The following ATP10B variants were observed in gnomAD, a reference collection of about 807,000 sequenced individuals.
ATP10B encodes the protein phospholipid-transporting ATPase VB.
Under a neutral mutation model 141.2 loss-of-function variants are expected in ATP10B, and 122 were observed. The observed-to-expected ratio is 0.86, with a 90% confidence interval of 0.75 to 1.00. ATP10B has a LOEUF of 1.00. Ranked by LOEUF, ATP10B falls within the 50% of genes least tolerant of loss-of-function variation. The pLI is 0.00. For synonymous variants in ATP10B, 685 were observed against 692.0 expected, an observed-to-expected ratio of 0.99 and a Z score of 0.16; for missense variants, 1,876 against 1,825.3, an observed-to-expected ratio of 1.03 and a Z score of -0.51.
chr5:160,864,310 G>C, the ATP10B span, among the ~76,000 whole-genome samples: 1 of 151,906 alleles, frequency 6.6e-6, no homozygotes, highest in Admixed American at 6.6e-5. Context: ...ATTACATAAA[G>C]AGAATCGAAA....
At position 160,569,524 on chromosome 5, in the gene ATP10B, G is replaced by A; in HGVS notation, c.3910C>T (p.Leu1304Phe). ...SNPTFYLVCF[L>F]TPVVALLPRY... Reference sequence around the variant, plus strand: ...GGGAGAAGAGCAACAACTGGTGTGAGAAAGCAGACGAGGTAGAAAGTGGGG... The same window carrying A: ...GGGAGAAGAGCAACAACTGGTGTGAAAAAGCAGACGAGGTAGAAAGTGGGG... Residue 1304 changes from leucine to phenylalanine, a missense_variant, in exon 25 of 26, where the codon CTC becomes TTC. Physicochemically the swap from Leu to Phe is conservative, Grantham distance 22. Coordinates refer to ENST00000327245, the MANE Select transcript of ATP10B (RefSeq NM_025153.3). 5 of 1,613,922 alleles carry A rather than the reference G, an allele frequency of 3.1e-6. No homozygotes were observed. The highest frequency in any genetic ancestry group is 4.2e-6 in the Non-Finnish European group (5 of 1,179,874).
intron 7 of ATP10B, among the ~76,000 whole-genome samples, chr5:160,657,121 C>A (rs995076174): frequency 2.6e-5 from 4 of 152,028 alleles, no homozygotes; most frequent in African/African-American, 9.7e-5. Flanking sequence ...CCATGCCAAC[C>A]AAGGAAGCTA....
At chr5:160,746,638 C>T (rs570905483) in intron 2 of ATP10B, among the ~76,000 whole-genome samples, 7 of 152,154 alleles carry the variant, frequency 4.6e-5, no homozygotes, top group East Asian at 1.9e-4. Context: ...ATGATCCACC[C>T]GCCTCAGCCT....
intron 7 of ATP10B, among the ~76,000 whole-genome samples, chr5:160,659,617 G>T (rs1037134241): frequency 1.3e-5 from 2 of 152,064 alleles, no homozygotes; most frequent in African/African-American, 4.8e-5. Flanking sequence ...AGGGGACATT[G>T]TGTGGGTGTG....
Position 160,649,158 on chromosome 5 carries a change from A to C in ATP10B, c.761+13T>G. ...GAGATATTTACTAGCAGCATGGGAC[A>C]TGAGATACTTACATATAACCCTTAA... On this transcript the variant is annotated intron_variant, in intron 8 of 25. Transcript: ENST00000327245. 1 of 1,583,412 alleles carries C rather than the reference A, an allele frequency of 6.3e-7. No homozygotes were observed. Among genetic ancestry groups the C allele is most frequent in the South Asian group, 1.1e-5 (1 of 90,416 alleles).
At chr5:160,728,938 C>A (rs1766545844) in intron 2 of ATP10B, among the ~76,000 whole-genome samples, 1 of 152,140 alleles carries the variant, frequency 6.6e-6, no homozygotes, top group Admixed American at 6.5e-5. Context: ...GAAAATCAAG[C>A]AAGGCCTGGG....
the ATP10B span, among the ~76,000 whole-genome samples, chr5:160,864,556 A>G: frequency 6.6e-6 from 1 of 151,946 alleles, no homozygotes; most frequent in Non-Finnish European, 1.5e-5. Context: ...TCGACATAGT[A>G]CTAGAAGTTC....
At chr5:160,698,800 G>C (rs1391751308) in intron 3 of ATP10B, among the ~76,000 whole-genome samples, 8 of 152,208 alleles carry the variant, frequency 5.3e-5, no homozygotes, top group African/African-American at 1.9e-4. Context: ...ACAGTTGACT[G>C]AGAAGGACAA....
intron 3 of ATP10B, among the ~76,000 whole-genome samples, chr5:160,695,690 C>G (rs950398566): frequency 6.6e-6 from 1 of 152,084 alleles, no homozygotes. Flanking sequence ...ATACCCAATT[C>G]TCTAAAAAGC....
At chr5:160,741,837 T>C (rs1029670449) in intron 2 of ATP10B, among the ~76,000 whole-genome samples, 8 of 152,212 alleles carry the variant, frequency 5.3e-5, no homozygotes, top group African/African-American at 1.9e-4. Flanking sequence ...TCTTTTCATA[T>C]ACTGTTCTGC....
the ATP10B span, among the ~76,000 whole-genome samples, chr5:160,926,034 G>GCT: frequency 6.6e-6 from 1 of 152,344 alleles, no homozygotes; most frequent in African/African-American, 2.4e-5. Context: ...GAGAGCACGT[G>GCT]CTCTGAATCA....
At chr5:160,750,406 G>A (rs1352052600) in intron 2 of ATP10B, among the ~76,000 whole-genome samples, 2 of 152,124 alleles carry the variant, frequency 1.3e-5, no homozygotes, top group Non-Finnish European at 2.9e-5. Flanking sequence ...TTAGTGAGTG[G>A]CACTATTGTT....
At chr5:160,760,919 G>T (rs968231153) in intron 2 of ATP10B, among the ~76,000 whole-genome samples, 15 of 152,034 alleles carry the variant, frequency 9.9e-5, no homozygotes, top group Non-Finnish European at 1.0e-4. Context: ...GAAACTGATG[G>T]TTTTTCTCTA....
chr5:160,726,998 A>C (rs1437554317), intron 2 of ATP10B, among the ~76,000 whole-genome samples: 1 of 152,108 alleles, frequency 6.6e-6, no homozygotes, highest in East Asian at 1.9e-4. Flanking sequence ...GAACTAAGGT[A>C]CTTCTTACAT....
chr5:160,573,309 T>G (rs1056386882), intron 24 of ATP10B, among the ~76,000 whole-genome samples: 1 of 152,244 alleles, frequency 6.6e-6, no homozygotes, highest in African/African-American at 2.4e-5. Flanking sequence ...GCTGCTGCAC[T>G]GATCTTGGGC....
chr5:160,606,793 G>T lies in ATP10B; in HGVS notation c.3132C>A (p.Asp1044Glu). 3 of 1,613,986 alleles carry T rather than the reference G, an allele frequency of 1.9e-6. No individual in the cohort carries two copies. The highest frequency in any genetic ancestry group is 3.3e-4 in the Middle Eastern group (2 of 6,056). The change falls in exon 19 of 26, where the codon GAC becomes GAA. Residue 1044 changes from aspartate to glutamate, a missense_variant. Transcript: ENST00000327245. ...QKSMIVKLVR[D>E]KLRVMTLSIG... Reference sequence around the variant, plus strand: ...TGGAAAGGGTCATGACGCGCAACTTGTCTCGCACCAGCTTGACTATCATAC... The same window carrying T: ...TGGAAAGGGTCATGACGCGCAACTTTTCTCGCACCAGCTTGACTATCATAC...
Position 160,615,982 on chromosome 5 carries a change from G to T in ATP10B, c.2527-18C>A, listed in dbSNP as rs145223150. The T allele has an allele frequency of 0.02, 32,265 of 1,605,912 alleles. 368 individuals carry two copies. Among genetic ancestry groups the T allele is most frequent in the Middle Eastern group, 0.039 (237 of 6,028 alleles). ...CTTACAACCTATGGGATGGGAAAAG[G>T]CTCCTTAACAATCTTGGGTGGACCA... is the stretch of plus-strand genomic sequence containing the variant. On this transcript the variant is annotated intron_variant, in intron 16 of 25. Transcript: ENST00000327245.
the ATP10B span, among the ~76,000 whole-genome samples, chr5:160,902,905 C>T: frequency 6.6e-6 from 1 of 152,170 alleles, no homozygotes; most frequent in African/African-American, 2.4e-5. Flanking sequence ...AGTTTGTAAT[C>T]AACAATTAGG....
At chr5:160,924,933 A>G in the ATP10B span, among the ~76,000 whole-genome samples, 1 of 152,212 alleles carries the variant, frequency 6.6e-6, no homozygotes. Flanking sequence ...CTGCCCACAG[A>G]GAGAATCCTG....
Sources: allele counts gnomAD v4.1 joint callset (sites outside exome capture counted in the v4.1 genomes callset), GRCh38; gene constraint gnomAD v4.1.1; transcripts MANE v1.5; gene names NCBI Gene and HGNC (gene_info 2026-07-23, HGNC 2026-07-21).